PEX11G: variants seen among roughly 807,000 people sequenced by gnomAD.
PEX11G encodes peroxisomal membrane protein 11C.
PEX11G carries 20 observed loss-of-function variants against 22.5 expected under a neutral mutation model. The observed-to-expected ratio is 0.89, with a 90% CI of 0.62 to 1.29. The LOEUF (loss-of-function observed/expected upper bound fraction) is 1.29, where lower values mean the gene tolerates loss of function less well. Among genes scored for constraint, PEX11G ranks in the 50% most tolerant of loss-of-function variants. The probability of loss-of-function intolerance (pLI) is 0.00; values close to 1 mark genes in which losing one functional copy is unlikely to be tolerated. For missense variants in PEX11G, 347 were observed against 331.3 expected (o/e 1.05, Z -0.37); for synonymous variants, 141 against 154.5 (o/e 0.91, Z 0.65).
intron 4 of PEX11G, among the ~76,000 whole-genome samples, chr19:7,478,104 A>G (rs187540311): frequency 0.014 from 2,085 of 152,370 alleles, 20 homozygotes; most frequent in Non-Finnish European, 0.02. Flanking sequence ...GGGCGCAGCC[A>G]TGAAGGCTCA....
In PEX11G at chr19:7,477,334, C is replaced by T. The variant is rs866730802; in HGVS notation, c.594G>A (p.Trp198Ter). ...NLADLANAVH[W>*]LPRGVLWAGR... ...CGGCCCACAGCACGCCCCGGGGCAG[C>T]CAGTGCACGGCGTTGGCCAGGTCGG... The change falls in exon 5 of 5, where the codon TGG (tryptophan) becomes TGA (stop). Residue 198 changes from tryptophan (W) to a stop codon, truncating the protein, a stop_gained. Coordinates refer to ENST00000221480, the MANE Select transcript of PEX11G (RefSeq NM_080662.4). LOFTEE classifies it high-confidence loss of function. 3 of 1,559,976 alleles carry T rather than the reference C, an allele frequency of 1.9e-6. No individual in the cohort carries two copies. In the African/African-American group the frequency reaches 4.1e-5, roughly 21 times the overall value.
At chr19:7,491,156 T>C (rs2021881820), upstream of PEX11G, 1 of 151,704 alleles carries the variant, frequency 6.6e-6, no homozygotes, top group Admixed American at 6.6e-5. Flanking sequence ...TTTCCTCCCC[T>C]ACACCCTGTT....
In PEX11G at chr19:7,477,382, C is replaced by A. The variant is rs1419092192; in HGVS notation, c.546G>T (p.Ala182=). The A allele has an allele frequency of 3.2e-6, 5 of 1,550,380 alleles. No homozygotes were observed. Among genetic ancestry groups the A allele is most frequent in the South Asian group, 1.2e-5 (1 of 83,278 alleles). The part of the protein sequence containing the change: ...RAMEAQMQSE[A]LSLLSNLADL... The stretch of plus-strand genomic sequence containing the variant: ...CGGCCAGGTTGCTGAGAAGTGACAG[C>A]GCCTCCGACTGCATCTGCGCCTCCA... Residue 182 remains alanine (A), a synonymous_variant, in exon 5 of 5, where the codon GCG becomes GCT. Coordinates refer to ENST00000221480, the MANE Select transcript of PEX11G (RefSeq NM_080662.4).
intron 3 of PEX11G, among the ~76,000 whole-genome samples, chr19:7,479,028 G>A (rs556616441): frequency 1.3e-5 from 2 of 152,294 alleles, no homozygotes; most frequent in East Asian, 1.9e-4. Context: ...GGGGTGTGCC[G>A]GGTTGTGACT....
At chr19:7,481,935 C>A in intron 3 of PEX11G, 98 bp downstream of exon 3, 2 of 1,234,214 alleles carry the variant, frequency 1.6e-6, no homozygotes, top group South Asian at 3.5e-5. Context: ...AGACCCACCG[C>A]AGTCTGAAGC....
At chr19:7,478,546 C>T (rs764482535) in intron 3 of PEX11G, among the ~76,000 whole-genome samples, 170 bp from the exon 4 acceptor site, 24 of 152,230 alleles carry the variant, frequency 1.6e-4, no homozygotes, top group Non-Finnish European at 1.5e-5. Context: ...CTCATGCTCC[C>T]GGGGACTCAT....
At chr19:7,488,782 A>C (rs974603991) in intron 1 of PEX11G, among the ~76,000 whole-genome samples, 169 bp downstream of exon 1, 1 of 152,238 alleles carries the variant, frequency 6.6e-6, no homozygotes, top group Non-Finnish European at 1.5e-5. Flanking sequence ...AGCCAAAATA[A>C]ATAAATACAT....
chr19:7,482,127 C>T lies in PEX11G; in HGVS notation c.334G>A (p.Ala112Thr), dbSNP rs764666402. The T allele has an allele frequency of 3.3e-5, 52 of 1,598,564 alleles. 1 individual carries two copies. The highest frequency in any genetic ancestry group is 3.3e-4 in the Middle Eastern group (2 of 6,064). The change falls in exon 3 of 5, where the codon GCG (alanine) becomes ACG (threonine). Residue 112 changes from alanine (A) to threonine (T), a missense_variant. Transcript: ENST00000221480. ...LYYPCEHVAWAADARVLHVDS... is the reference protein window; with the variant it reads ...LYYPCEHVAWTADARVLHVDS... Reference sequence around the variant, plus strand: ...ACGTGGAGGACCCGGGCATCAGCCGCCCAGGCCACGTGCTCACAGGGGTAG... The same window carrying T: ...ACGTGGAGGACCCGGGCATCAGCCGTCCAGGCCACGTGCTCACAGGGGTAG...
chr19:7,481,746 C>T (rs139458407), intron 3 of PEX11G, among the ~76,000 whole-genome samples: 10 of 152,310 alleles, frequency 6.6e-5, no homozygotes, highest in African/African-American at 1.9e-4. Context: ...AAGGCATCAG[C>T]GCCTGCTGAC....
chr19:7,486,896 G>A (rs1460677650), intron 1 of PEX11G, among the ~76,000 whole-genome samples: 1 of 152,192 alleles, frequency 6.6e-6, no homozygotes, highest in Admixed American at 6.5e-5. Context: ...ACCGCGCCTG[G>A]CTACCAAAAA....
chr19:7,483,617 AG>A (rs1225358594), intron 2 of PEX11G, among the ~76,000 whole-genome samples: 1 of 152,106 alleles, frequency 6.6e-6, no homozygotes, highest in African/African-American at 2.4e-5. Context: ...GACACGGAGG[AG>A]GAGGATGCTA....
At chr19:7,490,490 A>ATTTTT (rs59322811), upstream of PEX11G, among the ~76,000 whole-genome samples, 10 of 114,882 alleles carry the variant, frequency 8.7e-5, no homozygotes, top group African/African-American at 2.3e-4. Flanking sequence ...CGCCTGGGTA[A>ATTTTT]TTTTTTTTTT....
chr19:7,480,987 T>C (rs1371349732), intron 3 of PEX11G, among the ~76,000 whole-genome samples: 6 of 152,062 alleles, frequency 3.9e-5, no homozygotes, highest in African/African-American at 1.2e-4. Flanking sequence ...CTGCTGACTG[T>C]TTTCTCTGGG....
intron 1 of PEX11G, among the ~76,000 whole-genome samples, chr19:7,494,646 G>A (rs2021946272): frequency 6.6e-6 from 1 of 152,132 alleles, no homozygotes; most frequent in Non-Finnish European, 1.5e-5. Flanking sequence ...GTCTGAGCTC[G>A]ACCTTTGAAA....
chr19:7,492,653 G>GC (rs1316803435), upstream of PEX11G, among the ~76,000 whole-genome samples: 14 of 152,146 alleles, frequency 9.2e-5, no homozygotes, highest in African/African-American at 3.4e-4. Context: ...TGTTGGCCAG[G>GC]CTGGTCTCCA....
intron 2 of PEX11G, 101 bp from the exon 3 acceptor site, chr19:7,482,312 A>C: frequency 7.4e-7 from 1 of 1,346,138 alleles, no homozygotes; most frequent in Non-Finnish European, 9.9e-7. Flanking sequence ...TCCTGACCCC[A>C]GTCCCTGGGC....
At chr19:7,484,696 C>A (rs1170949368) in intron 2 of PEX11G, among the ~76,000 whole-genome samples, 1 of 151,628 alleles carries the variant, frequency 6.6e-6, no homozygotes, top group Non-Finnish European at 1.5e-5. Context: ...TCATTTGAAT[C>A]CCGGAGGCAG....
At chr19:7,478,224 G>A in intron 4 of PEX11G, 90 bp downstream of exon 4, 1 of 1,395,456 alleles carries the variant, frequency 7.2e-7, no homozygotes, top group South Asian at 1.2e-5. Context: ...ACAGTCCCCA[G>A]CATGGGCCTG....
At chr19:7,493,247 C>T (rs2021920698), upstream of PEX11G, among the ~76,000 whole-genome samples, 1 of 152,000 alleles carries the variant, frequency 6.6e-6, no homozygotes, top group Non-Finnish European at 1.5e-5. Flanking sequence ...GGCTGGAGTG[C>T]AGTGGCATGA....
Sources: allele counts gnomAD v4.1 joint callset (sites outside exome capture counted in the v4.1 genomes callset), GRCh38; gene constraint gnomAD v4.1.1; transcripts MANE v1.5; gene names NCBI Gene and HGNC (gene_info 2026-07-23, HGNC 2026-07-21).